RPS6KC1: variants seen among roughly 807,000 people sequenced by gnomAD.
RPS6KC1 encodes the protein inactive ribosomal protein S6 kinase delta-1.
Under a neutral mutation model 103.8 loss-of-function variants are expected in RPS6KC1, and 54 were observed. The observed-to-expected ratio is 0.52, with a 90% CI of 0.42 to 0.65. The LOEUF (loss-of-function observed/expected upper bound fraction) is 0.65. Among genes scored for constraint, RPS6KC1 ranks in the 30% least tolerant of loss-of-function variants. The pLI, the probability that RPS6KC1 is intolerant of heterozygous loss-of-function variation, is 0.00. For missense variants in RPS6KC1, 1,151 were observed against 1,253.8 expected (o/e 0.92, Z 1.24); for synonymous variants, 439 against 438.7 (o/e 1.00, Z -0.01).
chr1:213,402,351 C>T, the RPS6KC1 span, among the ~76,000 whole-genome samples: 4 of 152,120 alleles, frequency 2.6e-5, no homozygotes, highest in African/African-American at 7.3e-5. Flanking sequence ...ACTTAGTGGC[C>T]GTGGTACCTC....
At chr1:213,808,314 C>G in the RPS6KC1 span, among the ~76,000 whole-genome samples, 2 of 152,226 alleles carry the variant, frequency 1.3e-5, no homozygotes, top group Admixed American at 1.3e-4. Context: ...TCAAAGCTGT[C>G]AGACAGGGAC....
chr1:213,280,377 C>T, the RPS6KC1 span, among the ~76,000 whole-genome samples: 2 of 152,128 alleles, frequency 1.3e-5, no homozygotes, highest in Admixed American at 6.5e-5. Context: ...AGTTATAATT[C>T]CTTTGATGAC....
At chr1:213,408,881 T>C in the RPS6KC1 span, among the ~76,000 whole-genome samples, 1 of 152,198 alleles carries the variant, frequency 6.6e-6, no homozygotes, top group African/African-American at 2.4e-5. Flanking sequence ...AGGAAAAACA[T>C]GGCTTTCCCT....
rs947778722 is a variant in RPS6KC1 at position 213,122,857 on chromosome 1, A to T, written c.472+5447A>T. Among the ~76,000 whole-genome samples, 3 of 151,938 alleles carry T rather than the reference A, an allele frequency of 2.0e-5. No homozygotes were observed. The South Asian group carries it at 6.2e-4, about 32-fold the overall frequency. ...TGGAGCTTGACAAAAACAACAGGTC[A>T]TTTTTTCCCCCCAAGATAGCCACAA... On this transcript the variant is annotated intron_variant, in intron 5 of 14. Transcript: ENST00000366960.
At chr1:213,143,042 C>A (rs529753430) in intron 6 of RPS6KC1, among the ~76,000 whole-genome samples, 1 of 151,964 alleles carries the variant, frequency 6.6e-6, no homozygotes, top group Non-Finnish European at 1.5e-5. Flanking sequence ...TTAGAGACAT[C>A]GTGGCCTTTA....
chr1:213,762,290 C>G, the RPS6KC1 span, among the ~76,000 whole-genome samples: 22 of 152,126 alleles, frequency 1.4e-4, no homozygotes, highest in Non-Finnish European at 2.4e-4. Context: ...TTTAGTGCAC[C>G]CCTCTCCCCT....
chr1:213,238,428 C>G (rs1251223505), intron 10 of RPS6KC1, among the ~76,000 whole-genome samples: 1 of 152,080 alleles, frequency 6.6e-6, no homozygotes, highest in African/African-American at 2.4e-5. Flanking sequence ...CTCAGGAGTT[C>G]AAATGCCTAT....
chr1:213,808,862 T>C, the RPS6KC1 span, among the ~76,000 whole-genome samples: 19 of 152,212 alleles, frequency 1.2e-4, no homozygotes, highest in African/African-American at 4.6e-4. Flanking sequence ...AAATCACCCG[T>C]CTTCTGCATC....
At chr1:213,561,880 C>T in the RPS6KC1 span, among the ~76,000 whole-genome samples, 19 of 152,278 alleles carry the variant, frequency 1.2e-4, 1 homozygote, top group South Asian at 8.3e-4. Flanking sequence ...TAATATAAGT[C>T]GAACTTTCCA....
At chr1:213,657,302 T>C in the RPS6KC1 span, among the ~76,000 whole-genome samples, 7 of 151,952 alleles carry the variant, frequency 4.6e-5, no homozygotes, top group South Asian at 6.2e-4. Flanking sequence ...GAAAAAGAGA[T>C]TGCACTGAAG....
At chr1:213,540,011 AG>A in the RPS6KC1 span, among the ~76,000 whole-genome samples, 1 of 152,234 alleles carries the variant, frequency 6.6e-6, no homozygotes, top group East Asian at 1.9e-4. Context: ...CTGAGCCTTC[AG>A]TGAGTCATAA....
chr1:213,617,967 G>A, the RPS6KC1 span, among the ~76,000 whole-genome samples: 8 of 152,104 alleles, frequency 5.3e-5, no homozygotes, highest in African/African-American at 1.9e-4. Context: ...GTTTCTTTGT[G>A]GAATTGGTTC....
the RPS6KC1 span, among the ~76,000 whole-genome samples, chr1:213,602,528 C>T: frequency 5.9e-5 from 9 of 152,064 alleles, no homozygotes; most frequent in East Asian, 5.8e-4. Context: ...CCATTGCGCC[C>T]GGCCTGGTGT....
At chr1:213,632,138 G>A in the RPS6KC1 span, among the ~76,000 whole-genome samples, 14 of 152,114 alleles carry the variant, frequency 9.2e-5, no homozygotes, top group East Asian at 1.9e-4. Context: ...TTTTATCAGC[G>A]TTTGTTTATT....
the RPS6KC1 span, among the ~76,000 whole-genome samples, chr1:213,463,725 G>A: frequency 1.3e-5 from 2 of 152,180 alleles, no homozygotes; most frequent in African/African-American, 4.8e-5. Context: ...TTTGGGGCTC[G>A]TTTTCAGGTC....
At chr1:213,281,467 CCAG>C in the RPS6KC1 span, among the ~76,000 whole-genome samples, 1 of 152,228 alleles carries the variant, frequency 6.6e-6, no homozygotes, top group African/African-American at 2.4e-5. Flanking sequence ...TACTTCCTTA[CCAG>C]CAGAAGTCAC....
the RPS6KC1 span, among the ~76,000 whole-genome samples, chr1:213,855,482 A>G: frequency 1.3e-5 from 2 of 152,056 alleles, no homozygotes; most frequent in Non-Finnish European, 2.9e-5. Flanking sequence ...TCTGCCGACA[A>G]TGCACTCTTC....
the RPS6KC1 span, among the ~76,000 whole-genome samples, chr1:213,815,961 G>T: frequency 6.6e-6 from 1 of 152,138 alleles, no homozygotes; most frequent in African/African-American, 2.4e-5. Context: ...CCATTGTAGG[G>T]TTATTATTTG....
At chr1:213,578,689 C>A in the RPS6KC1 span, among the ~76,000 whole-genome samples, 1 of 150,922 alleles carries the variant, frequency 6.6e-6, no homozygotes, top group Non-Finnish European at 1.5e-5. Flanking sequence ...TTCATTTTGG[C>A]CAATTTCTCC....
Sources: gnomAD v4.1 joint callset for allele counts (sites outside exome capture counted in the v4.1 genomes callset) on GRCh38, gnomAD v4.1.1 for gene constraint, MANE v1.5 for transcripts, NCBI Gene and HGNC (gene_info 2026-07-23, HGNC 2026-07-21) for gene names.